Variants in TRERF1 observed in about 807,000 individuals in gnomAD.
TRERF1 encodes transcriptional-regulating factor 1.
A neutral mutation model predicts 122.9 loss-of-function variants in TRERF1; 27 were observed. The observed-to-expected ratio is 0.22, with a 90% CI of 0.16 to 0.30. The LOEUF is 0.30. Among genes scored for constraint, TRERF1 ranks in the 10% least tolerant of loss-of-function variants. TRERF1 has a pLI of 1.00. For missense variants in TRERF1, 1,248 were observed against 1,560.3 expected (o/e 0.80, Z 3.37); for synonymous variants, 636 against 641.7 (o/e 0.99, Z 0.13).
chr6:42,447,795 C>T (rs1166030468), intron 2 of TRERF1, among the ~76,000 whole-genome samples: 3 of 152,100 alleles, frequency 2.0e-5, no homozygotes, highest in Non-Finnish European at 4.4e-5. Flanking sequence ...ACCTCTGCCT[C>T]CCAGGTTCAA....
intron 12 of TRERF1, among the ~76,000 whole-genome samples, chr6:42,255,948 T>C (rs954779909): frequency 2.6e-5 from 4 of 151,762 alleles, no homozygotes; most frequent in Non-Finnish European, 5.9e-5. Flanking sequence ...CTGGCCAACA[T>C]GATGAAACCC....
At chr6:42,420,839 T>C (rs1169042787) in intron 2 of TRERF1, among the ~76,000 whole-genome samples, 1 of 151,896 alleles carries the variant, frequency 6.6e-6, no homozygotes, top group African/African-American at 2.4e-5. Context: ...AATCTCCCAC[T>C]GAGGTAGAAG....
intron 4 of TRERF1, among the ~76,000 whole-genome samples, chr6:42,288,675 T>C (rs67859631): frequency 0.027 from 4,142 of 150,976 alleles, 57 homozygotes; most frequent in Non-Finnish European, 0.037. Flanking sequence ...TGCTGTGATC[T>C]AAAGATGAGA....
At chr6:42,407,005 C>T (rs1027819107) in intron 2 of TRERF1, among the ~76,000 whole-genome samples, 1 of 152,186 alleles carries the variant, frequency 6.6e-6, no homozygotes, top group Non-Finnish European at 1.5e-5. Flanking sequence ...CCCATTTCAA[C>T]ATGAAGAAAC....
intron 2 of TRERF1, among the ~76,000 whole-genome samples, chr6:42,413,637 C>T (rs1014761981): frequency 7.2e-5 from 11 of 151,978 alleles, no homozygotes; most frequent in Admixed American, 4.6e-4. Flanking sequence ...ACCATGTTGG[C>T]CAGGATGGTC....
intron 4 of TRERF1, among the ~76,000 whole-genome samples, chr6:42,274,540 G>A (rs571875051): frequency 8.5e-5 from 13 of 152,168 alleles, no homozygotes; most frequent in South Asian, 8.3e-4. Context: ...TTAGCCAGGC[G>A]TGGTGGTGCA....
At chr6:42,281,231 G>A (rs1782247219) in intron 4 of TRERF1, among the ~76,000 whole-genome samples, 2 of 152,102 alleles carry the variant, frequency 1.3e-5, no homozygotes, top group Non-Finnish European at 2.9e-5. Context: ...GCTGCTAGGG[G>A]ACCCCTGCAG....
At position 42,268,404 on chromosome 6, in the gene TRERF1, A is replaced by T. The variant is rs750543324; in HGVS notation, c.1187T>A (p.Leu396Gln). 6.4e-7 allele frequency: 1 copy of T among 1,552,012 alleles called. No homozygotes were observed. Among genetic ancestry groups the T allele is most frequent in the Non-Finnish European group, 8.7e-7 (1 of 1,149,808 alleles). ...GTCCTCACGCTGCTGGTGCTGGGACAGGTGGCTCTGCTGGTAGAGGGGGTG... is the reference window on the plus strand; with the variant it reads ...GTCCTCACGCTGCTGGTGCTGGGACTGGTGGCTCTGCTGGTAGAGGGGGTG... Residue 396 changes from leucine (L) to glutamine (Q), a missense_variant, in exon 5 of 18, where the codon CTG becomes CAG. By Grantham distance (113) the Leu-to-Gln change is moderately radical. This residue lies in a region of TRERF1 where 946 missense variants were observed against 1,073.0 expected (regional missense o/e 0.88). Transcript: ENST00000372922. This position sits in a 1 kb window ranked among gnomAD's most constrained non-coding sequence, Gnocchi z 4.4.
intron 2 of TRERF1, among the ~76,000 whole-genome samples, chr6:42,416,902 G>T (rs1465320288): frequency 2.6e-5 from 4 of 151,484 alleles, no homozygotes; most frequent in African/African-American, 9.7e-5. Flanking sequence ...TTTTGTGTGT[G>T]TTTTTTTTAA....
At chr6:42,414,080 T>C (rs557670524) in intron 2 of TRERF1, among the ~76,000 whole-genome samples, 3 of 152,246 alleles carry the variant, frequency 2.0e-5, no homozygotes, top group African/African-American at 7.2e-5. Flanking sequence ...ATAATAACTT[T>C]GAAAGACAAA....
intron 8 of TRERF1, among the ~76,000 whole-genome samples, chr6:42,261,267 C>G (rs940483905): frequency 2.6e-5 from 4 of 152,108 alleles, no homozygotes; most frequent in East Asian, 3.9e-4. Flanking sequence ...ATGATCTCAA[C>G]GCAGCACTGC....
intron 3 of TRERF1, among the ~76,000 whole-genome samples, chr6:42,362,466 C>A (rs1177451094): frequency 6.6e-6 from 1 of 152,192 alleles, no homozygotes; most frequent in Non-Finnish European, 1.5e-5. Context: ...AACTACTGAC[C>A]CTTGAAACAG....
chr6:42,388,253 T>C (rs1156983363), intron 2 of TRERF1, among the ~76,000 whole-genome samples: 1 of 151,720 alleles, frequency 6.6e-6, no homozygotes, highest in African/African-American at 2.4e-5. Flanking sequence ...GCAACTTTAT[T>C]CAGGCAGTAC....
At chr6:42,362,148 G>A (rs181110017) in intron 3 of TRERF1, among the ~76,000 whole-genome samples, 309 of 152,130 alleles carry the variant, frequency 2.0e-3, no homozygotes, top group African/African-American at 7.2e-3. Context: ...TTCAGTAGAC[G>A]CTCTTCAATT....
At chr6:42,257,221 C>A in intron 10 of TRERF1, 119 bp from the exon 11 acceptor site, 1 of 1,243,854 alleles carries the variant, frequency 8.0e-7, no homozygotes, top group Non-Finnish European at 1.1e-6. Flanking sequence ...AATGCAGGGG[C>A]ATTTCCTCAC....
At chr6:42,434,037 A>G (rs1784884500) in intron 2 of TRERF1, among the ~76,000 whole-genome samples, 1 of 152,128 alleles carries the variant, frequency 6.6e-6, no homozygotes, top group African/African-American at 2.4e-5. Context: ...TGTTTTTCAA[A>G]AAAGAGAGAA....
Position 42,447,989 on chromosome 6 carries a change from C to T in TRERF1, c.-454+3188G>A, listed in dbSNP as rs1787840801. ...AAAGTGCTGGGATTACAGGCATGAGCCACCGCGCCCAGCCCTAAATCCTTA... is the reference window on the plus strand; with the variant it reads ...AAAGTGCTGGGATTACAGGCATGAGTCACCGCGCCCAGCCCTAAATCCTTA... On this transcript the variant is annotated intron_variant, in intron 2 of 17. Transcript: ENST00000372922. Among the ~76,000 whole-genome samples, 3 of 152,210 alleles carry T rather than the reference C, an allele frequency of 2.0e-5. No individual in the cohort carries two copies. The South Asian group carries it at 6.2e-4, about 32-fold the overall frequency.
chr6:42,229,036 T>C (rs71558790), intron 17 of TRERF1, among the ~76,000 whole-genome samples: 11,186 of 152,326 alleles, frequency 0.073, 438 homozygotes, highest in Middle Eastern at 0.088. Flanking sequence ...TAAATCATGC[T>C]AACAAGCCCT....
intron 2 of TRERF1, among the ~76,000 whole-genome samples, chr6:42,435,487 G>A (rs1403720385): frequency 6.6e-6 from 1 of 152,018 alleles, no homozygotes; most frequent in Non-Finnish European, 1.5e-5. Context: ...GGAGGTCAAA[G>A]CTATAGTGAG....
Sources: gnomAD v4.1 joint callset for allele counts (sites outside exome capture counted in the v4.1 genomes callset) on GRCh38, gnomAD v4.1.1 for gene constraint, gnomAD v4.1.1 regional missense constraint, Gnocchi (gnomAD v3.1) non-coding constraint, MANE v1.5 for transcripts, NCBI Gene and HGNC (gene_info 2026-07-23, HGNC 2026-07-21) for gene names.